The following KANSL1 variants were observed in gnomAD, a reference collection of about 807,000 sequenced individuals.
The protein encoded by KANSL1 is MLL1/MLL complex subunit KANSL1.
KANSL1 carries 22 observed loss-of-function variants against 103.6 expected under a neutral mutation model. That is an observed-to-expected ratio of 0.21 (90% CI 0.15 to 0.30). The LOEUF (loss-of-function observed/expected upper bound fraction) is 0.30, where lower values mean the gene tolerates loss of function less well. Ranked by LOEUF, KANSL1 falls within the 10% of genes least tolerant of loss-of-function variation. The pLI, the probability that KANSL1 is intolerant of heterozygous loss-of-function variation, is 1.00. For synonymous variants in KANSL1, 600 were observed against 527.6 expected, an observed-to-expected ratio of 1.14 and a Z score of -1.88; for missense variants, 1,337 against 1,399.8, an observed-to-expected ratio of 0.96 and a Z score of 0.72.
intron 2 of KANSL1, among the ~76,000 whole-genome samples, chr17:46,120,697 C>T (rs1181284311): frequency 6.6e-6 from 1 of 152,170 alleles, no homozygotes; most frequent in Admixed American, 6.5e-5. Flanking sequence ...TATACCCTCC[C>T]TTCCATTTCC....
chr17:46,123,768 C>T (rs2043390518), intron 2 of KANSL1, among the ~76,000 whole-genome samples: 1 of 152,224 alleles, frequency 6.6e-6, no homozygotes, highest in Admixed American at 6.5e-5. Flanking sequence ...GGAAATAAGC[C>T]ATCTCCAATA....
At chr17:46,213,930 C>A (rs1300618729) in intron 1 of KANSL1, among the ~76,000 whole-genome samples, 2 of 150,926 alleles carry the variant, frequency 1.3e-5, no homozygotes, top group African/African-American at 4.9e-5. Context: ...AAAAAAAAAA[C>A]TAATATGCAA....
intron 2 of KANSL1, among the ~76,000 whole-genome samples, chr17:46,131,239 A>G (rs895986808): frequency 1.3e-5 from 2 of 152,232 alleles, no homozygotes. Context: ...TGTTCAAATC[A>G]ATGGGTGAAT....
At chr17:46,153,793 G>A (rs1171374238) in intron 2 of KANSL1, among the ~76,000 whole-genome samples, 1 of 152,230 alleles carries the variant, frequency 6.6e-6, no homozygotes, top group African/African-American at 2.4e-5. Flanking sequence ...AAGACAATCT[G>A]ACCCTGAAGG....
chr17:46,146,938 G>C, intron 2 of KANSL1, among the ~76,000 whole-genome samples: 1 of 151,998 alleles, frequency 6.6e-6, no homozygotes, highest in South Asian at 2.1e-4. Flanking sequence ...GCACAGTGGT[G>C]CACATCCTTA....
At chr17:46,133,922 G>A (rs978053327) in intron 2 of KANSL1, among the ~76,000 whole-genome samples, 3 of 152,220 alleles carry the variant, frequency 2.0e-5, no homozygotes, top group Admixed American at 1.3e-4. Flanking sequence ...CTGTGGAGAT[G>A]AGTGAAATCA....
chr17:46,073,259 T>C lies in KANSL1; in HGVS notation c.1534-5592A>G, dbSNP rs144485449. ...GAGAAAGCATTAGCTCTTCACTTAA[T>C]AGTACACTTGTTTTTCTCATCACTT... On this transcript the variant is annotated intron_variant, in intron 4 of 14. Transcript: ENST00000432791. Among the ~76,000 whole-genome samples the C allele has an allele frequency of 2.6e-3, 396 of 152,342 alleles. 2 individuals are homozygous for C. The highest frequency in any genetic ancestry group is 4.3e-3 in the Non-Finnish European group (294 of 68,030).
chr17:46,110,170 T>C (rs572812524), intron 2 of KANSL1, among the ~76,000 whole-genome samples: 28 of 152,214 alleles, frequency 1.8e-4, no homozygotes, highest in Non-Finnish European at 3.8e-4. Flanking sequence ...TTTATGTGTT[T>C]GAATAAGGGT....
chr17:46,196,368 G>C (rs1411303673), upstream of KANSL1: 1 of 456,230 alleles, frequency 2.2e-6, no homozygotes, highest in African/African-American at 2.0e-5. Context: ...GATTGGTTAG[G>C]AATGGCCATG....
At chr17:46,065,414 G>A (rs563491310) in intron 6 of KANSL1, among the ~76,000 whole-genome samples, 2 of 152,214 alleles carry the variant, frequency 1.3e-5, no homozygotes, top group East Asian at 3.9e-4. Flanking sequence ...GATTTAGCTC[G>A]TTGCAGGAAG....
In KANSL1 at chr17:46,034,185, T is replaced by C; in HGVS notation, c.2642A>G (p.Gln881Arg). Reference sequence around the variant, plus strand: ...CCTGGGCGTAAGGATTTCCTTGTATTGCAGTTTCTCTACGCGAGTTGTTGC... The same window carrying C: ...CCTGGGCGTAAGGATTTCCTTGTATCGCAGTTTCTCTACGCGAGTTGTTGC... The part of the protein sequence containing the change: ...VAATTRVEKL[Q>R]YKEILTPSWR... The change falls in exon 11 of 15, where the codon CAA becomes CGA. Residue 881 changes from glutamine to arginine, a missense_variant. This residue lies in a region of KANSL1 where 780 missense variants were observed against 923.4 expected (regional missense o/e 0.84). Coordinates refer to ENST00000432791, the MANE Select transcript of KANSL1 (RefSeq NM_015443.4). The C allele has an allele frequency of 6.2e-7, 1 of 1,614,108 alleles. No individual in the cohort carries two copies. The highest frequency in any genetic ancestry group is 8.5e-7 in the Non-Finnish European group (1 of 1,179,970).
At chr17:46,175,744 C>T (rs957976023) in intron 1 of KANSL1, among the ~76,000 whole-genome samples, 3 of 152,198 alleles carry the variant, frequency 2.0e-5, no homozygotes, top group African/African-American at 7.2e-5. Context: ...ATGTAGTTTT[C>T]TCCTGTGGGC....
At chr17:46,205,019 G>A (rs1303877709) in intron 1 of KANSL1, among the ~76,000 whole-genome samples, 1 of 152,144 alleles carries the variant, frequency 6.6e-6, no homozygotes, top group Admixed American at 6.5e-5. Context: ...ACTTAATGGA[G>A]AAAGCCTGAA....
At chr17:46,096,475 C>T (rs1199569147) in intron 2 of KANSL1, among the ~76,000 whole-genome samples, 1 of 151,198 alleles carries the variant, frequency 6.6e-6, no homozygotes, top group Admixed American at 6.6e-5. Context: ...CATGCGCCAC[C>T]ATGCCCGGCT....
At chr17:46,105,229 T>C (rs2042480851) in intron 2 of KANSL1, among the ~76,000 whole-genome samples, 1 of 152,144 alleles carries the variant, frequency 6.6e-6, no homozygotes, top group Non-Finnish European at 1.5e-5. Flanking sequence ...TCCTCCAGAG[T>C]GAATTAATTT....
At position 46,172,003 on chromosome 17, in the gene KANSL1, G is replaced by A. The variant is rs1403319543; in HGVS notation, c.141C>T (p.Asn47=). The A allele has an allele frequency of 1.5e-5, 24 of 1,614,152 alleles. No individual in the cohort carries two copies. Among genetic ancestry groups the A allele is most frequent in the East Asian group, 2.2e-5 (1 of 44,900 alleles). The change falls in exon 2 of 15, where the codon AAC becomes AAT. Residue 47 remains asparagine, a synonymous_variant. Coordinates refer to ENST00000432791, the MANE Select transcript of KANSL1 (RefSeq NM_015443.4). ...NGNANILIAA[N]GTKRKAIAAE... is the part of the protein sequence containing the mutation. The stretch of plus-strand genomic sequence containing the variant: ...CAGCAATGGCTTTTCTTTTGGTTCC[G>A]TTGGCAGCAATAAGGATGTTGGCGT...
intron 2 of KANSL1, among the ~76,000 whole-genome samples, chr17:46,155,081 A>G (rs1349634468): frequency 6.6e-6 from 1 of 152,208 alleles, no homozygotes; most frequent in Non-Finnish European, 1.5e-5. Context: ...GGCATTCAGA[A>G]AAGTTGATGG....
Position 46,054,058 on chromosome 17 carries a change from G to A in KANSL1, c.1849-3354C>T, listed in dbSNP as rs570585690. On this transcript the variant is annotated intron_variant, in intron 6 of 14. Transcript: ENST00000432791. ...TGGCTCACTTGAGCCCAGGAGTGAG[G>A]AGCTATAGTGATCATGTCCACTGCA... 2.6e-5 allele frequency among the ~76,000 whole-genome samples: 4 copies of A among 152,090 alleles called. No homozygotes were observed. The South Asian group carries it at 8.3e-4, about 32-fold the overall frequency.
At chr17:46,082,346 C>A in intron 4 of KANSL1, 95 bp downstream of exon 4, 1 of 707,524 alleles carries the variant, frequency 1.4e-6, no homozygotes, top group South Asian at 1.9e-5. Context: ...CCTTCTTCAG[C>A]CAATGCAAGG....
Sources: gnomAD v4.1 joint callset for allele counts (sites outside exome capture counted in the v4.1 genomes callset) on GRCh38, gnomAD v4.1.1 for gene constraint, gnomAD v4.1.1 regional missense constraint, MANE v1.5 for transcripts, NCBI Gene and HGNC (gene_info 2026-07-23, HGNC 2026-07-21) for gene names.